Variants in FARS2 observed in about 807,000 individuals in gnomAD.
FARS2 encodes phenylalanine--tRNA ligase, mitochondrial.
Under a neutral mutation model 46.4 loss-of-function variants are expected in FARS2, and 40 were observed. The ratio of observed to expected loss-of-function variants is 0.86; its 90% confidence interval spans 0.67 to 1.12. FARS2 has a LOEUF of 1.12. Ranked by LOEUF, FARS2 falls within the 50% of genes most tolerant of loss-of-function variation. The pLI is 0.00. For synonymous variants in FARS2, 234 were observed against 214.9 expected, an observed-to-expected ratio of 1.09 and a Z score of -0.78; for missense variants, 513 against 567.9, an observed-to-expected ratio of 0.90 and a Z score of 0.98.
At chr6:5,456,729 T>TTAAAAA (rs1764897662) in intron 4 of FARS2, among the ~76,000 whole-genome samples, 1 of 6,694 alleles carries the variant, frequency 1.5e-4, no homozygotes, top group Non-Finnish European at 2.6e-4. Context: ...AGACTCCATC[T>TTAAAAA]CAAAAAAAAA....
At chr6:5,719,099 C>G (rs1759704998) in intron 6 of FARS2, among the ~76,000 whole-genome samples, 1 of 152,140 alleles carries the variant, frequency 6.6e-6, no homozygotes, top group South Asian at 2.1e-4. Flanking sequence ...TAAAGGCTGC[C>G]TGACTGGGTG....
intron 3 of FARS2, among the ~76,000 whole-genome samples, chr6:5,411,402 TGTG>T (rs1761935515): frequency 6.6e-6 from 1 of 152,248 alleles, no homozygotes; most frequent in Non-Finnish European, 1.5e-5. Flanking sequence ...GTAGCTAGCT[TGTG>T]GTAAAGCCTC....
chr6:5,528,519 C>T (rs1365408761), intron 4 of FARS2, among the ~76,000 whole-genome samples: 1 of 152,170 alleles, frequency 6.6e-6, no homozygotes, highest in African/African-American at 2.4e-5. Flanking sequence ...TCAAAGTAAA[C>T]ATCCCTTGAA....
At chr6:5,427,220 G>T (rs1458547110) in intron 3 of FARS2, among the ~76,000 whole-genome samples, 1 of 152,232 alleles carries the variant, frequency 6.6e-6, no homozygotes, top group Non-Finnish European at 1.5e-5. Context: ...AAATGATTCT[G>T]GGCAAGTGCT....
chr6:5,546,497 G>T (rs532589076), intron 5 of FARS2, among the ~76,000 whole-genome samples: 59 of 151,502 alleles, frequency 3.9e-4, no homozygotes, highest in South Asian at 1.5e-3. Context: ...TGATTCGCCC[G>T]CCTTGGCCTC....
intron 6 of FARS2, among the ~76,000 whole-genome samples, chr6:5,744,277 C>T (rs1213635075): frequency 6.6e-6 from 1 of 152,202 alleles, no homozygotes; most frequent in African/African-American, 2.4e-5. Context: ...TGCGGCAGGA[C>T]AACCCTGTCC....
chr6:5,286,482 C>A (rs997495649), intron 1 of FARS2, among the ~76,000 whole-genome samples: 1 of 152,164 alleles, frequency 6.6e-6, no homozygotes, highest in African/African-American at 2.4e-5. Context: ...AGACTGTTAA[C>A]TCCTGGGCTG....
chr6:5,443,194 C>T (rs960313852), intron 4 of FARS2, among the ~76,000 whole-genome samples: 12 of 152,306 alleles, frequency 7.9e-5, no homozygotes, highest in East Asian at 7.7e-4. Context: ...GAAACAGTAA[C>T]GCCAAAAACA....
In FARS2 at chr6:5,371,102, CT is replaced by C. The variant is rs1759033915; in HGVS notation, c.612+1927del. ...TCATTGCCTGTTTTTCTGTATTCTG[CT>C]TTTTTTCATGACACTCCTTTCTACG... On this transcript the variant is annotated intron_variant, in intron 2 of 6. Coordinates refer to ENST00000274680, the MANE Select transcript of FARS2 (RefSeq NM_006567.5). 11 of 684,452 alleles carry C rather than the reference CT, an allele frequency of 1.6e-5. No individual in the cohort carries two copies. The South Asian group carries it at 4.6e-4, about 29-fold the overall frequency. 42.4% of individuals were successfully genotyped at this position (684,452 alleles called of 1,614,324 possible).
At chr6:5,476,500 G>A (rs1261758453) in intron 4 of FARS2, among the ~76,000 whole-genome samples, 3 of 152,118 alleles carry the variant, frequency 2.0e-5, no homozygotes, top group Non-Finnish European at 2.9e-5. Flanking sequence ...ACTGTGTGAA[G>A]AGTATCGGTA....
chr6:5,299,331 T>C (rs1382796674), intron 1 of FARS2, among the ~76,000 whole-genome samples: 1 of 152,242 alleles, frequency 6.6e-6, no homozygotes, highest in East Asian at 1.9e-4. Flanking sequence ...ATTATTAAAT[T>C]AGAAAATCTA....
chr6:5,292,692 C>T (rs1030779605), intron 1 of FARS2, among the ~76,000 whole-genome samples: 1 of 152,138 alleles, frequency 6.6e-6, no homozygotes, highest in Non-Finnish European at 1.5e-5. Context: ...TAGACAGGTG[C>T]ACCTGTAGCC....
At chr6:5,672,206 C>A (rs1350633163) in intron 6 of FARS2, among the ~76,000 whole-genome samples, 3 of 152,156 alleles carry the variant, frequency 2.0e-5, no homozygotes, top group Non-Finnish European at 4.4e-5. Flanking sequence ...GGGGTTTCCT[C>A]ACCGACCCAA....
At chr6:5,599,436 T>C (rs1582546897) in intron 5 of FARS2, among the ~76,000 whole-genome samples, 1 of 152,312 alleles carries the variant, frequency 6.6e-6, no homozygotes, top group Non-Finnish European at 1.5e-5. Context: ...TAATGCCGCC[T>C]CCAGAAAGAC....
intron 1 of FARS2, among the ~76,000 whole-genome samples, chr6:5,320,261 T>C (rs894271584): frequency 1.3e-5 from 2 of 152,132 alleles, no homozygotes; most frequent in Non-Finnish European, 2.9e-5. Flanking sequence ...AACAGATGGA[T>C]CTCCCTAACG....
At chr6:5,756,029 T>G (rs961334886) in intron 6 of FARS2, among the ~76,000 whole-genome samples, 1 of 152,252 alleles carries the variant, frequency 6.6e-6, no homozygotes, top group Non-Finnish European at 1.5e-5. Context: ...TTCCCTAGTC[T>G]GCTGTTACAT....
At chr6:5,302,135 C>G (rs576720705) in intron 1 of FARS2, among the ~76,000 whole-genome samples, 2 of 152,338 alleles carry the variant, frequency 1.3e-5, no homozygotes, top group African/African-American at 4.8e-5. Flanking sequence ...GAACTTTCCT[C>G]TAGAGCTCTG....
intron 3 of FARS2, among the ~76,000 whole-genome samples, chr6:5,411,726 C>G (rs368755050): frequency 5.9e-4 from 90 of 152,288 alleles, no homozygotes; most frequent in African/African-American, 2.1e-3. Flanking sequence ...TTTCTGCTAA[C>G]ATTTCAATTG....
chr6:5,392,825 A>G (rs1033006631), intron 2 of FARS2, among the ~76,000 whole-genome samples: 1 of 136,850 alleles, frequency 7.3e-6, no homozygotes, highest in Non-Finnish European at 1.6e-5. Context: ...TTATATATGT[A>G]TATATACATA....
Sources: gnomAD v4.1 joint callset for allele counts (sites outside exome capture counted in the v4.1 genomes callset) on GRCh38, gnomAD v4.1.1 for gene constraint, MANE v1.5 for transcripts, NCBI Gene and HGNC (gene_info 2026-07-23, HGNC 2026-07-21) for gene names.